TAFA2: variants seen among roughly 807,000 people sequenced by gnomAD.
TAFA2 encodes chemokine-like protein TAFA-2.
Under a neutral mutation model 18.8 loss-of-function variants are expected in TAFA2, and 7 were observed. The ratio of observed to expected loss-of-function variants is 0.37; its 90% CI spans 0.21 to 0.70. TAFA2 has a LOEUF of 0.70. TAFA2 is among the 30% of genes least tolerant of loss of function. TAFA2 has a pLI of 0.53. For missense variants in TAFA2, 122 were observed against 158.1 expected, an observed-to-expected ratio of 0.77 and a Z score of 1.23; for synonymous variants, 60 against 54.2, an observed-to-expected ratio of 1.11 and a Z score of -0.47.
intron 1 of TAFA2, among the ~76,000 whole-genome samples, chr12:62,059,991 T>C (rs2136786485): frequency 6.6e-6 from 1 of 152,354 alleles, no homozygotes; most frequent in Non-Finnish European, 1.5e-5. Flanking sequence ...TTATCATTGT[T>C]TCAGAACAAT....
chr12:62,187,663 C>T (rs530464308), intron 1 of TAFA2, among the ~76,000 whole-genome samples: 1 of 152,254 alleles, frequency 6.6e-6, no homozygotes, highest in East Asian at 1.9e-4. Flanking sequence ...TCATTGACGA[C>T]ACTGCACTGA....
chr12:62,050,369 G>C (rs570403343), intron 1 of TAFA2, among the ~76,000 whole-genome samples: 1 of 152,094 alleles, frequency 6.6e-6, no homozygotes, highest in East Asian at 1.9e-4. Context: ...AGGAGATCAA[G>C]ACCATCCTGG....
At chr12:62,206,495 T>C (rs1353818383) in intron 1 of TAFA2, among the ~76,000 whole-genome samples, 1 of 152,228 alleles carries the variant, frequency 6.6e-6, no homozygotes, top group Non-Finnish European at 1.5e-5. Flanking sequence ...ATCAACCTTA[T>C]ACTAAAATTG....
chr12:62,232,102 G>A (rs2062814088), intron 1 of TAFA2, among the ~76,000 whole-genome samples: 2 of 152,038 alleles, frequency 1.3e-5, no homozygotes, highest in South Asian at 2.1e-4. Context: ...TTGCAGGTGT[G>A]ATAGACATCA....
chr12:62,170,488 T>G (rs1185628061), intron 1 of TAFA2, among the ~76,000 whole-genome samples: 1 of 152,224 alleles, frequency 6.6e-6, no homozygotes, highest in African/African-American at 2.4e-5. Context: ...ATCACTCTGC[T>G]TTGATGCTTT....
intron 1 of TAFA2, among the ~76,000 whole-genome samples, chr12:62,133,366 C>T (rs776659328): frequency 1.3e-5 from 2 of 151,990 alleles, no homozygotes; most frequent in Non-Finnish European, 2.9e-5. Context: ...CCATGAAGGT[C>T]AACTCAGTGA....
At chr12:61,713,350 G>C (rs1869501891) in intron 4 of TAFA2, among the ~76,000 whole-genome samples, 1 of 152,118 alleles carries the variant, frequency 6.6e-6, no homozygotes, top group Non-Finnish European at 1.5e-5. Context: ...CTGTGCTGGA[G>C]TCTCTGAGCC....
chr12:62,017,969 T>C (rs1295848776), intron 1 of TAFA2, among the ~76,000 whole-genome samples: 1 of 152,198 alleles, frequency 6.6e-6, no homozygotes, highest in Non-Finnish European at 1.5e-5. Context: ...CAATGTGCTT[T>C]CAATTCCTAG....
In TAFA2 at chr12:62,009,993, TG is replaced by T. The variant is rs532530811; in HGVS notation, c.-1-142568del. 9.6e-4 allele frequency among the ~76,000 whole-genome samples: 147 copies of T among 152,332 alleles called. 1 individual carries two copies. Among genetic ancestry groups the T allele is most frequent in the African/African-American group, 3.4e-3 (140 of 41,578 alleles). On this transcript the variant is annotated intron_variant, in intron 1 of 4. Transcript: ENST00000416284. ...CCTGCCAGAAAAGAATAAAGGAGACTGGTCAATTGAGGTAGTCTCATAACAT... is the reference window on the plus strand; with the variant it reads ...CCTGCCAGAAAAGAATAAAGGAGACTGTCAATTGAGGTAGTCTCATAACAT...
At chr12:61,891,877 T>C (rs1042825476) in intron 1 of TAFA2, among the ~76,000 whole-genome samples, 1 of 152,016 alleles carries the variant, frequency 6.6e-6, no homozygotes, top group Non-Finnish European at 1.5e-5. Flanking sequence ...TTATTCAAAG[T>C]GCAGTAGGAA....
intron 4 of TAFA2, among the ~76,000 whole-genome samples, chr12:61,751,891 T>A (rs1337724021): frequency 6.6e-6 from 1 of 151,992 alleles, no homozygotes; most frequent in Non-Finnish European, 1.5e-5. Flanking sequence ...GAATTTAGAC[T>A]GCATGGTCTT....
chr12:61,864,112 A>G (rs764614850), intron 2 of TAFA2, among the ~76,000 whole-genome samples: 9 of 152,114 alleles, frequency 5.9e-5, no homozygotes, highest in Non-Finnish European at 1.0e-4. Context: ...TCCGCTTCCA[A>G]AAAACCCTGC....
chr12:62,035,741 T>TTC (rs1372671877), intron 1 of TAFA2, among the ~76,000 whole-genome samples: 7 of 128,952 alleles, frequency 5.4e-5, no homozygotes, highest in Non-Finnish European at 1.6e-5. Context: ...TTCTTTTTTT[T>TTC]TTTTTTTTTT....
intron 1 of TAFA2, among the ~76,000 whole-genome samples, chr12:61,934,670 T>C (rs944484799): frequency 2.0e-5 from 3 of 152,216 alleles, no homozygotes; most frequent in South Asian, 2.1e-4. Flanking sequence ...ATGCTGTCTA[T>C]GACACTTGAA....
intron 1 of TAFA2, among the ~76,000 whole-genome samples, chr12:62,201,648 G>T (rs1264766563): frequency 6.6e-6 from 1 of 152,118 alleles, no homozygotes; most frequent in African/African-American, 2.4e-5. Context: ...GCCAGTTGAG[G>T]ATTTTTGCAT....
chr12:62,013,646 G>T (rs910014585), intron 1 of TAFA2, among the ~76,000 whole-genome samples: 2 of 152,280 alleles, frequency 1.3e-5, no homozygotes, highest in Admixed American at 6.5e-5. Context: ...TGCACTGTAA[G>T]TTGTACAGAA....
chr12:61,824,483 A>C (rs562612874), intron 2 of TAFA2, among the ~76,000 whole-genome samples: 1 of 152,186 alleles, frequency 6.6e-6, no homozygotes, highest in African/African-American at 2.4e-5. Context: ...AGTGCCATAC[A>C]CTTAGGCAGT....
At chr12:62,164,243 A>G (rs945110470) in intron 1 of TAFA2, among the ~76,000 whole-genome samples, 1 of 152,152 alleles carries the variant, frequency 6.6e-6, no homozygotes, top group African/African-American at 2.4e-5. Context: ...AAGGGCAGCC[A>G]AAGTTTCACT....
rs190732423 is a variant in TAFA2, at chr12:61,936,545, G to A, written c.-1-69119C>T. The stretch of plus-strand genomic sequence containing the variant: ...ATCATGCCACTGCACTCCAGCCTGG[G>A]TGACAGAATGAGACTCCGTCTCAAA... On this transcript the variant is annotated intron_variant, in intron 1 of 4. Transcript: ENST00000416284. Among the ~76,000 whole-genome samples the A allele has an allele frequency of 1.8e-3, 269 of 152,026 alleles. 7 individuals are homozygous for A. Among genetic ancestry groups the A allele is most frequent in the Non-Finnish European group, 5.1e-4 (35 of 67,998 alleles).
Sources: gnomAD v4.1 joint callset for allele counts (sites outside exome capture counted in the v4.1 genomes callset) on GRCh38, gnomAD v4.1.1 for gene constraint, MANE v1.5 for transcripts, NCBI Gene and HGNC (gene_info 2026-07-23, HGNC 2026-07-21) for gene names.